Variants in SYN2 observed in about 807,000 individuals in gnomAD.
SYN2 encodes synapsin-2.
In SYN2, 19 loss-of-function variants were observed where a neutral mutation model predicts 50.9. That is an observed-to-expected ratio of 0.37 (90% CI 0.26 to 0.55). The LOEUF (loss-of-function observed/expected upper bound fraction) is 0.55. SYN2 is among the 20% of genes least tolerant of loss of function. The pLI, the probability that SYN2 is intolerant of heterozygous loss-of-function variation, is 0.81. For synonymous variants in SYN2, 255 were observed against 224.9 expected (o/e 1.13, Z -1.20); for missense variants, 587 against 576.4 (o/e 1.02, Z -0.19).
At chr3:12,170,308 T>G (rs919186556) in intron 10 of SYN2, among the ~76,000 whole-genome samples, 14 of 152,190 alleles carry the variant, frequency 9.2e-5, no homozygotes, top group African/African-American at 2.9e-4. Context: ...GCCTGCTATC[T>G]TCGTAAATAA....
At chr3:12,185,219 G>A (rs567103407) in intron 11 of SYN2, 1 of 985,800 alleles carries the variant, frequency 1.0e-6, no homozygotes, top group Non-Finnish European at 1.2e-6. Flanking sequence ...CTGATGAAAC[G>A]ATAGAATAAA....
chr3:12,021,989 G>C (rs987617207), intron 1 of SYN2, among the ~76,000 whole-genome samples: 2 of 151,726 alleles, frequency 1.3e-5, no homozygotes, highest in African/African-American at 4.8e-5. Context: ...AGAATCCCTT[G>C]AGCCCAGGAG....
chr3:12,135,405 T>C (rs1226255928), intron 1 of SYN2, among the ~76,000 whole-genome samples: 1 of 152,232 alleles, frequency 6.6e-6, no homozygotes, highest in African/African-American at 2.4e-5. Context: ...AGCTAGAAAC[T>C]AGCACCTTGT....
chr3:12,010,644 A>G (rs959274872), intron 1 of SYN2, among the ~76,000 whole-genome samples: 1 of 152,232 alleles, frequency 6.6e-6, no homozygotes, highest in Non-Finnish European at 1.5e-5. Context: ...GAGGATTGAA[A>G]TATATTCTCC....
At chr3:12,028,696 G>A (rs1162675556) in intron 1 of SYN2, among the ~76,000 whole-genome samples, 5 of 146,532 alleles carry the variant, frequency 3.4e-5, no homozygotes, top group African/African-American at 1.0e-4. Flanking sequence ...GTCTGTTCAT[G>A]TCCTTCGCCC....
chr3:12,167,387 T>A, intron 8 of SYN2, 79 bp downstream of exon 8: 1 of 1,459,070 alleles, frequency 6.9e-7, no homozygotes, highest in Non-Finnish European at 9.4e-7. Flanking sequence ...GGAATTAAGC[T>A]CTGTCCAAAG....
chr3:12,106,543 G>C (rs938202674), intron 1 of SYN2, among the ~76,000 whole-genome samples: 1 of 152,056 alleles, frequency 6.6e-6, no homozygotes, highest in Non-Finnish European at 1.5e-5. Context: ...ACATCATAAC[G>C]TTTAGTAAAT....
At chr3:12,083,486 A>G (rs1208944104) in intron 1 of SYN2, among the ~76,000 whole-genome samples, 1 of 152,234 alleles carries the variant, frequency 6.6e-6, no homozygotes, top group Non-Finnish European at 1.5e-5. Context: ...GGAAAACTCA[A>G]GGAGAGAGCT....
In SYN2 at chr3:12,068,027, A is replaced by G. The variant is rs866110158; in HGVS notation, c.377+63099A>G. Among the ~76,000 whole-genome samples, 8 of 152,314 alleles carry G rather than the reference A, an allele frequency of 5.3e-5. No homozygotes were observed. In the Middle Eastern group the frequency reaches 0.014, roughly 259 times the overall value. ...TGAGCTGTGATTACATCACTGCACT[A>G]CAGCCTGGGTGACAGAGTGAGACCT... On this transcript the variant is annotated intron_variant, in intron 1 of 12. Coordinates refer to ENST00000621198, the MANE Select transcript of SYN2 (RefSeq NM_133625.6).
chr3:12,187,005 A>G (rs572734056), intron 11 of SYN2, among the ~76,000 whole-genome samples: 12 of 152,298 alleles, frequency 7.9e-5, no homozygotes, highest in African/African-American at 1.7e-4. Context: ...AGACTTCCCA[A>G]TAAACCCTGG....
intron 1 of SYN2, among the ~76,000 whole-genome samples, chr3:12,109,884 A>G (rs1439759691): frequency 3.3e-5 from 5 of 152,120 alleles, no homozygotes; most frequent in Non-Finnish European, 5.9e-5. Flanking sequence ...AAACCTCTGT[A>G]TTTTCTTTTT....
At chr3:12,176,611 A>C (rs1698075200) in intron 10 of SYN2, among the ~76,000 whole-genome samples, 1 of 152,220 alleles carries the variant, frequency 6.6e-6, no homozygotes, top group Non-Finnish European at 1.5e-5. Flanking sequence ...GCACATCTGA[A>C]ATGTTTCCAG....
chr3:12,149,253 G>A (rs1697222624), intron 4 of SYN2, among the ~76,000 whole-genome samples: 1 of 152,236 alleles, frequency 6.6e-6, no homozygotes, highest in Non-Finnish European at 1.5e-5. Flanking sequence ...CAGCAGGACA[G>A]AGGTCGTTTG....
chr3:12,138,099 G>T (rs1696939813), intron 1 of SYN2, among the ~76,000 whole-genome samples: 1 of 152,148 alleles, frequency 6.6e-6, no homozygotes, highest in South Asian at 2.1e-4. Flanking sequence ...TCATTTGCTA[G>T]CAAGTTACAC....
chr3:12,030,368 G>T (rs995609530), intron 1 of SYN2, among the ~76,000 whole-genome samples: 2 of 115,532 alleles, frequency 1.7e-5, no homozygotes, highest in African/African-American at 6.2e-5. Context: ...ACCCGGCTTT[G>T]GTATCAGAAT....
chr3:12,156,497 C>T (rs308953), intron 5 of SYN2, among the ~76,000 whole-genome samples: 142,548 of 152,298 alleles, frequency 0.94, 66,797 homozygotes, highest in East Asian at 1. Flanking sequence ...GAGGAGACTT[C>T]GACTCAAGTT....
intron 1 of SYN2, among the ~76,000 whole-genome samples, chr3:12,036,790 T>G (rs1694507998): frequency 1.3e-5 from 2 of 152,258 alleles, no homozygotes; most frequent in African/African-American, 4.8e-5. Flanking sequence ...TACACTTTTT[T>G]ATTCTTTGCC....
intron 1 of SYN2, among the ~76,000 whole-genome samples, chr3:12,039,511 T>C (rs1350807665): frequency 6.6e-6 from 1 of 152,002 alleles, no homozygotes; most frequent in African/African-American, 2.4e-5. Context: ...TTGATGGTGA[T>C]GTTCCTATCC....
At chr3:12,044,035 T>C (rs1262406424) in intron 1 of SYN2, among the ~76,000 whole-genome samples, 1 of 152,202 alleles carries the variant, frequency 6.6e-6, no homozygotes, top group Non-Finnish European at 1.5e-5. Flanking sequence ...TTCATTTTTA[T>C]ATCTTCCATA....
Sources: allele counts gnomAD v4.1 joint callset (sites outside exome capture counted in the v4.1 genomes callset), GRCh38; gene constraint gnomAD v4.1.1; transcripts MANE v1.5; gene names NCBI Gene and HGNC (gene_info 2026-07-23, HGNC 2026-07-21).